EXPH5: variants seen among roughly 807,000 people sequenced by gnomAD.
EXPH5 encodes the protein exophilin-5.
EXPH5 carries 42 observed loss-of-function variants against 41.1 expected under a neutral mutation model. The observed-to-expected ratio is 1.02, with a 90% CI of 0.80 to 1.32. The LOEUF (loss-of-function observed/expected upper bound fraction) is 1.32. Among genes scored for constraint, EXPH5 ranks in the 40% most tolerant of loss-of-function variants. EXPH5 has a pLI of 0.00. For missense variants in EXPH5, 2,298 were observed against 2,314.5 expected, an observed-to-expected ratio of 0.99 and a Z score of 0.15; for synonymous variants, 798 against 833.5, an observed-to-expected ratio of 0.96 and a Z score of 0.73.
upstream of EXPH5, among the ~76,000 whole-genome samples, chr11:108,596,978 T>C (rs1422364130): frequency 6.6e-6 from 1 of 152,220 alleles, no homozygotes; most frequent in African/African-American, 2.4e-5. Flanking sequence ...GGCAACCTTT[T>C]GCCCAGGCTC....
intron 1 of EXPH5, among the ~76,000 whole-genome samples, chr11:108,572,050 C>CAA (rs34491366): frequency 0.045 from 6,376 of 140,466 alleles, 173 homozygotes; most frequent in Middle Eastern, 0.07. Context: ...ACTCTGTCTC[C>CAA]AAAAAAAAAA....
At position 108,510,343 on chromosome 11, in the gene EXPH5, C is replaced by T. The variant is rs971652642; in HGVS notation, c.5164G>A (p.Ala1722Thr). The T allele has an allele frequency of 3.7e-6, 6 of 1,614,076 alleles. No individual in the cohort carries two copies. Among genetic ancestry groups the T allele is most frequent in the Middle Eastern group, 1.6e-4 (1 of 6,084 alleles). ...CCTGATTCTCTTACTAAATTCTGAG[C>T]TGCTGTGACGTCTTTAGAATTCTCA... The part of the protein sequence containing the change: ...KHENSKDVTA[A>T]QNLVRESGAP... The change falls in exon 6 of 6, where the codon GCT becomes ACT. Residue 1722 changes from alanine (A) to threonine (T), a missense_variant. Physicochemically the swap from Ala to Thr is moderately conservative, Grantham distance 58. Transcript: ENST00000265843.
intron 1 of EXPH5, among the ~76,000 whole-genome samples, chr11:108,576,735 G>C (rs1019516162): frequency 6.6e-6 from 1 of 152,050 alleles, no homozygotes; most frequent in African/African-American, 2.4e-5. Context: ...CTTTGTGTTG[G>C]AAACATTCCA....
rs1359651483 is a variant in EXPH5 at position 108,509,522 on chromosome 11, T to C, written c.*15A>G. The C allele has an allele frequency of 6.5e-7, 1 of 1,530,352 alleles. No homozygotes were observed. The allele number at this position is 1,530,352 out of a possible 1,614,324, so 94.8% of individuals were successfully genotyped here. A position where few individuals can be genotyped will look rare whatever the true frequency, so the allele number is the denominator to read the frequency against. On this transcript the variant is annotated 3_prime_UTR_variant, in exon 6 of 6. Coordinates refer to ENST00000265843, the MANE Select transcript of EXPH5 (RefSeq NM_015065.3). ...GCTTTTGGTGAAAAAAGTAAAGCATTTTATTGAAAAAGCCTCACAGTTCTG... is the reference window on the plus strand; with the variant it reads ...GCTTTTGGTGAAAAAAGTAAAGCATCTTATTGAAAAAGCCTCACAGTTCTG...
intron 3 of EXPH5, among the ~76,000 whole-genome samples, chr11:108,535,462 C>T (rs2093873082): frequency 6.6e-6 from 1 of 152,134 alleles, no homozygotes; most frequent in South Asian, 2.1e-4. Context: ...ACTTCTCCTG[C>T]AATCTAGGTG....
In EXPH5 at chr11:108,513,054, G is replaced by T. The variant is rs777997658; in HGVS notation, c.2453C>A (p.Thr818Lys). ...GTCTGTCCTGGGGAAAGATGGTGGT[G>T]TTCTGTGTTCCTGAATGAAAGGAAG... ...ASLPFIQEHR[T>K]PPSFPRTDQG... Residue 818 changes from threonine to lysine, a missense_variant, in exon 6 of 6, where the codon ACA becomes AAA. By Grantham distance (78) the Thr-to-Lys change is moderately conservative. Transcript: ENST00000265843. 3.1e-6 allele frequency: 5 copies of T among 1,613,304 alleles called. No individual in the cohort carries two copies. Among genetic ancestry groups the T allele is most frequent in the Non-Finnish European group, 3.4e-6 (4 of 1,179,796 alleles).
intron 3 of EXPH5, among the ~76,000 whole-genome samples, chr11:108,533,146 T>C (rs1468100516): frequency 3.9e-5 from 6 of 152,176 alleles, no homozygotes; most frequent in African/African-American, 1.4e-4. Context: ...AAATTTCATC[T>C]CTACTTCTTT....
At chr11:108,586,176 G>A (rs528004222) in intron 1 of EXPH5, among the ~76,000 whole-genome samples, 2 of 151,982 alleles carry the variant, frequency 1.3e-5, no homozygotes, top group East Asian at 2.0e-4. Flanking sequence ...CCAACATGGC[G>A]AAACCTCAAG....
At chr11:108,569,777 T>C (rs2094051814) in intron 1 of EXPH5, among the ~76,000 whole-genome samples, 2 of 152,152 alleles carry the variant, frequency 1.3e-5, no homozygotes, top group Admixed American at 6.5e-5. Context: ...ACAGAAATGT[T>C]ATTGAATCAT....
rs553764204 is a variant in EXPH5, at chr11:108,593,589, A to G, written c.-53T>C. The stretch of plus-strand genomic sequence containing the variant: ...AAGCTCCTTGGCGCCTCCTGTTAGG[A>G]AGGCATTTTTCAACCTGTACAAGAC... On this transcript the variant is annotated 5_prime_UTR_variant, in exon 1 of 6. Transcript: ENST00000265843. 3.0e-5 allele frequency: 48 copies of G among 1,613,092 alleles called. No individual in the cohort carries two copies. In the East Asian group the frequency reaches 7.1e-4, roughly 24 times the overall value.
chr11:108,586,834 C>T (rs2094114871), intron 1 of EXPH5, among the ~76,000 whole-genome samples: 1 of 151,820 alleles, frequency 6.6e-6, no homozygotes, highest in Admixed American at 6.6e-5. Flanking sequence ...AGGAAGCTGG[C>T]TCCTGTGATC....
chr11:108,593,822 C>A (rs2094134530), upstream of EXPH5: 1 of 1,382,042 alleles, frequency 7.2e-7, no homozygotes, highest in Non-Finnish European at 9.9e-7. Flanking sequence ...CGGGCCCTCC[C>A]TTGTCCCCTC....
chr11:108,554,597 C>A (rs116678205), intron 1 of EXPH5, among the ~76,000 whole-genome samples: 146 of 152,028 alleles, frequency 9.6e-4, no homozygotes, highest in African/African-American at 3.4e-3. Flanking sequence ...TATGTATCAC[C>A]ACTCCCAACA....
At chr11:108,585,096 T>C (rs539250134) in intron 1 of EXPH5, among the ~76,000 whole-genome samples, 2 of 152,170 alleles carry the variant, frequency 1.3e-5, no homozygotes, top group East Asian at 3.9e-4. Flanking sequence ...CAAAAGATTT[T>C]AGCAGATACT....
chr11:108,552,099 C>G (rs1285175364), intron 1 of EXPH5: 1 of 151,950 alleles, frequency 6.6e-6, no homozygotes, highest in Non-Finnish European at 1.5e-5. Context: ...TATCACTCAC[C>G]CTCCAGGGAA....
chr11:108,597,357 C>T (rs961845692), upstream of EXPH5, among the ~76,000 whole-genome samples: 1 of 152,140 alleles, frequency 6.6e-6, no homozygotes, highest in Admixed American at 6.6e-5. Context: ...GCCACCGCAC[C>T]CAGCTAATTT....
chr11:108,578,082 C>T (rs1163702094), intron 1 of EXPH5, among the ~76,000 whole-genome samples: 2 of 152,152 alleles, frequency 1.3e-5, no homozygotes, highest in South Asian at 2.1e-4. Flanking sequence ...GTTGCCTGTC[C>T]TTTTGACGTC....
upstream of EXPH5, among the ~76,000 whole-genome samples, chr11:108,596,111 C>T (rs2094138564): frequency 6.6e-6 from 1 of 152,026 alleles, no homozygotes; most frequent in African/African-American, 2.4e-5. Flanking sequence ...AGGAGAATCG[C>T]TTGAACCCGG....
intron 1 of EXPH5, among the ~76,000 whole-genome samples, chr11:108,592,965 G>A (rs1314947365): frequency 2.0e-5 from 3 of 152,258 alleles, no homozygotes; most frequent in African/African-American, 7.2e-5. Context: ...AACTGCGTTA[G>A]GCGAGGGTGG....
Sources: allele counts gnomAD v4.1 joint callset (sites outside exome capture counted in the v4.1 genomes callset), GRCh38; gene constraint gnomAD v4.1.1; transcripts MANE v1.5; gene names NCBI Gene and HGNC (gene_info 2026-07-23, HGNC 2026-07-21).